Variants in SORCS2 observed in about 807,000 individuals in gnomAD.
SORCS2 encodes the protein VPS10 domain-containing receptor SorCS2.
A neutral mutation model predicts 141.6 loss-of-function variants in SORCS2; 100 were observed. The ratio of observed to expected loss-of-function variants is 0.71; its 90% confidence interval spans 0.60 to 0.83. The LOEUF (loss-of-function observed/expected upper bound fraction) is 0.83. SORCS2 is among the 40% of genes least tolerant of loss of function. SORCS2 has a pLI of 0.00. For missense variants in SORCS2, 1,646 were observed against 1,560.2 expected, an observed-to-expected ratio of 1.05 and a Z score of -0.93; for synonymous variants, 789 against 676.9, an observed-to-expected ratio of 1.17 and a Z score of -2.57.
chr4:7,698,252 C>T (rs918128515), intron 12 of SORCS2, among the ~76,000 whole-genome samples: 3 of 152,220 alleles, frequency 2.0e-5, no homozygotes, highest in African/African-American at 7.2e-5. Flanking sequence ...CTATCTCCTT[C>T]CAGACAAGAC....
intron 1 of SORCS2, among the ~76,000 whole-genome samples, chr4:7,336,899 C>G (rs529014686): frequency 6.6e-6 from 1 of 152,288 alleles, no homozygotes; most frequent in South Asian, 2.1e-4. Context: ...TCCGTGAGAT[C>G]CTGGACTTGT....
At chr4:7,285,604 G>A (rs1716165495) in intron 1 of SORCS2, among the ~76,000 whole-genome samples, 1 of 152,332 alleles carries the variant, frequency 6.6e-6, no homozygotes, top group Non-Finnish European at 1.5e-5. Flanking sequence ...CATGCTTTCT[G>A]CCATTTGGCA....
intron 3 of SORCS2, among the ~76,000 whole-genome samples, chr4:7,583,235 T>C (rs751143939): frequency 6.6e-6 from 1 of 152,148 alleles, no homozygotes; most frequent in African/African-American, 2.4e-5. Flanking sequence ...GCATCCAGTG[T>C]TCCTTTTCTC....
intron 1 of SORCS2, among the ~76,000 whole-genome samples, chr4:7,203,636 T>A (rs1727590432): frequency 6.6e-6 from 1 of 152,260 alleles, no homozygotes; most frequent in Non-Finnish European, 1.5e-5. Context: ...TTTTTCTTTA[T>A]TACTATTTTT....
intron 1 of SORCS2, among the ~76,000 whole-genome samples, chr4:7,199,696 G>A (rs528772954): frequency 6.6e-6 from 1 of 152,050 alleles, no homozygotes; most frequent in Non-Finnish European, 1.5e-5. Flanking sequence ...TTCTGGGAAG[G>A]CAGAATACAA....
chr4:7,308,556 T>A (rs377650990), intron 1 of SORCS2, among the ~76,000 whole-genome samples: 3 of 152,150 alleles, frequency 2.0e-5, no homozygotes, highest in African/African-American at 7.2e-5. Flanking sequence ...CTGGTGGGTT[T>A]GGTAACTTGA....
At chr4:7,215,365 G>A (rs59762216) in intron 1 of SORCS2, among the ~76,000 whole-genome samples, 8,766 of 152,284 alleles carry the variant, frequency 0.058, 480 homozygotes, top group East Asian at 0.26. Flanking sequence ...CTGCCTTTCC[G>A]CGGGGCAGGG....
At chr4:7,695,932 G>A (rs376605997) in intron 11 of SORCS2, among the ~76,000 whole-genome samples, 15,214 of 77,724 alleles carry the variant, frequency 0.2, 1,134 homozygotes, top group East Asian at 0.39. Flanking sequence ...GGATTGGTGG[G>A]TGGGTGGGTG....
rs937841301 is a variant in SORCS2, at chr4:7,663,270, GTGAA to G, written c.953-1077_953-1074del. On this transcript the variant is annotated intron_variant, in intron 6 of 26. Transcript: ENST00000507866. This position sits in a 1 kb window ranked among gnomAD's most constrained non-coding sequence, Gnocchi z 4.8. Reference sequence around the variant, plus strand: ...GAGTGAAGAGTGAATAAGTGAGTGAGTGAATGAATAAGTGAGTGAGTGAATGAGT... The same window carrying G: ...GAGTGAAGAGTGAATAAGTGAGTGAGTGAATAAGTGAGTGAGTGAATGAGT... Among the ~76,000 whole-genome samples the G allele has an allele frequency of 7.9e-5, 12 of 152,092 alleles. No individual in the cohort carries two copies. The highest frequency in any genetic ancestry group is 2.1e-4 in the South Asian group (1 of 4,782).
intron 11 of SORCS2, among the ~76,000 whole-genome samples, chr4:7,693,683 G>A (rs1437137735): frequency 6.6e-6 from 1 of 152,236 alleles, no homozygotes; most frequent in Non-Finnish European, 1.5e-5. Flanking sequence ...AAAGCTTGAG[G>A]GGGCCGTTTG....
chr4:7,292,795 C>T (rs773344884), intron 1 of SORCS2, among the ~76,000 whole-genome samples: 4 of 152,162 alleles, frequency 2.6e-5, no homozygotes, highest in South Asian at 2.1e-4. Flanking sequence ...GAAGATGCTA[C>T]GAGCACAGAT....
At chr4:7,300,810 C>A (rs541080958) in intron 1 of SORCS2, among the ~76,000 whole-genome samples, 2 of 152,328 alleles carry the variant, frequency 1.3e-5, no homozygotes, top group East Asian at 3.9e-4. Flanking sequence ...TGCAGCCAGC[C>A]TTGACCTGGC....
chr4:7,474,116 C>T (rs1730145190), intron 2 of SORCS2, among the ~76,000 whole-genome samples: 1 of 152,170 alleles, frequency 6.6e-6, no homozygotes, highest in Non-Finnish European at 1.5e-5. Context: ...CTTTGCTCAC[C>T]CCCGTGTCTC....
At chr4:7,475,562 G>A (rs934495656) in intron 2 of SORCS2, among the ~76,000 whole-genome samples, 2 of 152,206 alleles carry the variant, frequency 1.3e-5, no homozygotes, top group South Asian at 4.1e-4. Context: ...CCTGCCACTT[G>A]TCTCCCAGGG....
rs568470798 is a variant in SORCS2 at position 7,416,850 on chromosome 4, GCACA to G, written c.548+20503_548+20506del. Among the ~76,000 whole-genome samples, 23 of 151,842 alleles carry G rather than the reference GCACA, an allele frequency of 1.5e-4. No individual in the cohort carries two copies. The East Asian group carries it at 2.9e-3, about 19-fold the overall frequency. On this transcript the variant is annotated intron_variant, in intron 2 of 26. Transcript: ENST00000507866. ...TGAACACACACAAACATGCATGCAT[GCACA>G]CACACACTTGTGCATGCTCAGACAC...
At chr4:7,367,634 C>G (rs1033942686) in intron 1 of SORCS2, among the ~76,000 whole-genome samples, 4 of 152,326 alleles carry the variant, frequency 2.6e-5, no homozygotes, top group Admixed American at 1.3e-4. Flanking sequence ...AGGATTTGCC[C>G]CCATGGGGAA....
chr4:7,400,438 G>C (rs1577502222), intron 2 of SORCS2, among the ~76,000 whole-genome samples: 1 of 151,324 alleles, frequency 6.6e-6, no homozygotes, highest in Admixed American at 6.6e-5. Flanking sequence ...ATTGAAATGT[G>C]GGAGTTCCTG....
rs557216232 is a variant in SORCS2, at chr4:7,436,048, A to G, written c.548+39693A>G. Among the ~76,000 whole-genome samples, 39 of 152,378 alleles carry G rather than the reference A, an allele frequency of 2.6e-4. No homozygotes were observed. In the Middle Eastern group the frequency reaches 0.01, roughly 40 times the overall value. On this transcript the variant is annotated intron_variant, in intron 2 of 26. Transcript: ENST00000507866. ...GCAATAGTGCAGGGTGCTTCCCGCC[A>G]GCCCTCCTGCTGGGTACAGGGGTCA...
At chr4:7,453,615 G>A (rs1296955167) in intron 2 of SORCS2, among the ~76,000 whole-genome samples, 17 of 136,326 alleles carry the variant, frequency 1.2e-4, no homozygotes, top group South Asian at 2.6e-4. Context: ...GCTGTGTGTT[G>A]GGGTCAGGTG....
Sources: allele counts gnomAD v4.1 joint callset (sites outside exome capture counted in the v4.1 genomes callset), GRCh38; gene constraint gnomAD v4.1.1; non-coding constraint Gnocchi (gnomAD v3.1); transcripts MANE v1.5; gene names NCBI Gene and HGNC (gene_info 2026-07-23, HGNC 2026-07-21).